RC3H1: variants seen among roughly 807,000 people sequenced by gnomAD.
The protein encoded by RC3H1 is ring finger and CCCH-type domains 1.
Under a neutral mutation model 138.2 loss-of-function variants are expected in RC3H1, and 50 were observed. That is an observed-to-expected ratio of 0.36 (90% CI 0.29 to 0.46). RC3H1 has a LOEUF of 0.46. Ranked by LOEUF, RC3H1 falls within the 20% of genes least tolerant of loss-of-function variation. The pLI is 1.00. For synonymous variants in RC3H1, 462 were observed against 489.1 expected (o/e 0.94, Z 0.73); for missense variants, 1,031 against 1,388.1 (o/e 0.74, Z 4.09).
At chr1:173,978,333 G>A in intron 7 of RC3H1, among the ~76,000 whole-genome samples, 155 bp downstream of exon 7, 2 of 151,008 alleles carry the variant, frequency 1.3e-5, no homozygotes, top group African/African-American at 4.9e-5. Flanking sequence ...AGATAAAGAG[G>A]GAAAAGATTT....
rs1335318648 is a variant in RC3H1, at chr1:173,946,022, C to T, written c.2961+454G>A. Among the ~76,000 whole-genome samples the T allele has an allele frequency of 2.6e-5, 4 of 151,982 alleles. 1 individual carries two copies. Among genetic ancestry groups the T allele is most frequent in the South Asian group, 4.2e-4 (2 of 4,806 alleles). ...ATCTCTACTAAAAATACAAAAAATT[C>T]GCTGAGTATGGTGGTGTACATCTAT... is the stretch of plus-strand genomic sequence containing the variant. On this transcript the variant is annotated intron_variant, in intron 17 of 19. Transcript: ENST00000367696.
intron 14 of RC3H1, among the ~76,000 whole-genome samples, chr1:173,951,256 T>C (rs61828900): frequency 0.29 from 43,875 of 151,780 alleles, 11,350 homozygotes; most frequent in African/African-American, 0.7. Context: ...ACCTGGGAAG[T>C]GGAGGTTGTG....
chr1:173,971,685 T>C (rs1224453966), intron 8 of RC3H1, among the ~76,000 whole-genome samples: 2 of 152,202 alleles, frequency 1.3e-5, no homozygotes, highest in African/African-American at 2.4e-5. Context: ...AGTTAAAAAC[T>C]GTAGGTTCTC....
chr1:173,949,975 T>A (rs138466698), intron 14 of RC3H1, among the ~76,000 whole-genome samples: 1 of 152,186 alleles, frequency 6.6e-6, no homozygotes, highest in East Asian at 1.9e-4. Flanking sequence ...GAGACGAGCC[T>A]GACCAATATG....
chr1:173,956,130 CAAAAAAAA>C (rs552947734), intron 13 of RC3H1, among the ~76,000 whole-genome samples: 3 of 86,386 alleles, frequency 3.5e-5, no homozygotes, highest in East Asian at 6.8e-4. Context: ...GAGTCTGTCT[CAAAAAAAA>C]AAAAAAAGAA....
intron 1 of RC3H1, among the ~76,000 whole-genome samples, chr1:174,015,692 T>A (rs947937986): frequency 1.4e-5 from 2 of 147,716 alleles, no homozygotes; most frequent in Admixed American, 6.8e-5. Context: ...ATATATATGT[T>A]TTAATACAGA....
intron 1 of RC3H1, among the ~76,000 whole-genome samples, chr1:174,003,763 G>A (rs1038147423): frequency 2.0e-5 from 3 of 151,128 alleles, no homozygotes; most frequent in South Asian, 2.1e-4. Flanking sequence ...CGGGTTTCAC[G>A]CCATTCTCCT....
intron 7 of RC3H1, among the ~76,000 whole-genome samples, chr1:173,974,554 G>C (rs907153790): frequency 3.9e-5 from 6 of 152,016 alleles, no homozygotes; most frequent in Non-Finnish European, 5.9e-5. Context: ...AATATACCAA[G>C]GGAAAAACAT....
intron 1 of RC3H1, among the ~76,000 whole-genome samples, chr1:174,018,102 A>C (rs1284525480): frequency 1.3e-5 from 2 of 152,114 alleles, no homozygotes; most frequent in Non-Finnish European, 2.9e-5. Flanking sequence ...ACTTAAACCA[A>C]GGAGTTTGAG....
chr1:173,973,038 T>G (rs191855858), intron 7 of RC3H1, among the ~76,000 whole-genome samples: 1 of 152,326 alleles, frequency 6.6e-6, no homozygotes, highest in East Asian at 1.9e-4. Context: ...GCCAGATACA[T>G]TCACTGTTTC....
At chr1:173,968,195 T>C (rs1660203558) in intron 9 of RC3H1, among the ~76,000 whole-genome samples, 1 of 152,200 alleles carries the variant, frequency 6.6e-6, no homozygotes, top group Admixed American at 6.5e-5. Context: ...TACAGGTAAA[T>C]AGTTATTAGT....
Position 173,951,985 on chromosome 1 carries a change from C to A in RC3H1, c.2523+1G>T. 1.2e-6 allele frequency: 2 copies of A among 1,600,992 alleles called. No homozygotes were observed. Among genetic ancestry groups the A allele is most frequent in the Non-Finnish European group, 8.5e-7 (1 of 1,175,028 alleles). ...AATTATTGCTTAGCTATTACACATA[C>A]CATCATTTCCACACTCCCTGCTGCC... On this transcript the variant is annotated splice_donor_variant, in intron 14 of 19. Coordinates refer to ENST00000367696, the MANE Select transcript of RC3H1 (RefSeq NM_172071.4). LOFTEE classifies it high-confidence loss of function.
intron 1 of RC3H1, among the ~76,000 whole-genome samples, chr1:174,000,480 G>A (rs1033688921): frequency 6.6e-6 from 1 of 152,118 alleles, no homozygotes; most frequent in Non-Finnish European, 1.5e-5. Flanking sequence ...ATTAAGTAAC[G>A]GCCCCAAATC....
intron 1 of RC3H1, among the ~76,000 whole-genome samples, chr1:174,000,466 C>T (rs1020685160): frequency 2.6e-4 from 40 of 152,126 alleles, no homozygotes; most frequent in African/African-American, 8.7e-4. Flanking sequence ...TGAGGTTTGG[C>T]GGCATTAAGT....
At chr1:173,974,454 T>C (rs932126574) in intron 7 of RC3H1, among the ~76,000 whole-genome samples, 5 of 152,142 alleles carry the variant, frequency 3.3e-5, no homozygotes, top group African/African-American at 1.2e-4. Context: ...TACAGCTATA[T>C]GTATGTTTCC....
Position 173,961,963 on chromosome 1 carries a change from T to C in RC3H1, c.1964A>G (p.Tyr655Cys). 2 of 1,614,154 alleles carry C rather than the reference T, an allele frequency of 1.2e-6. No individual in the cohort carries two copies. The highest frequency in any genetic ancestry group is 2.2e-5 in the East Asian group (1 of 44,878). Reference protein sequence around the residue: ...YLQERVVNSQYGTQPQQYPPI... With the variant: ...YLQERVVNSQCGTQPQQYPPI... ...TGGGTACTGCTGTGGCTGTGTGCCATACTGAGAGTTTACAACACGTTCTTG... is the reference window on the plus strand; with the variant it reads ...TGGGTACTGCTGTGGCTGTGTGCCACACTGAGAGTTTACAACACGTTCTTG... The change falls in exon 12 of 20, where the codon TAT becomes TGT. Residue 655 changes from tyrosine (Y) to cysteine (C), a missense_variant. This residue lies in a region of RC3H1 where 716 missense variants were observed against 837.9 expected (regional missense o/e 0.85). Transcript: ENST00000367696.
intron 8 of RC3H1, among the ~76,000 whole-genome samples, chr1:173,971,014 G>C (rs1660335255): frequency 6.6e-6 from 1 of 150,422 alleles, no homozygotes. Context: ...CGGGCTGGAG[G>C]GCAGCGGCGC....
At chr1:173,999,322 G>A (rs1197410214) in intron 1 of RC3H1, among the ~76,000 whole-genome samples, 1 of 151,748 alleles carries the variant, frequency 6.6e-6, no homozygotes, top group Non-Finnish European at 1.5e-5. Flanking sequence ...AGAGGTTGCG[G>A]TGAGCCGAGA....
At chr1:174,019,292 T>C (rs931259676) in intron 1 of RC3H1, among the ~76,000 whole-genome samples, 1 of 152,152 alleles carries the variant, frequency 6.6e-6, no homozygotes, top group Non-Finnish European at 1.5e-5. Flanking sequence ...ATAATGATAA[T>C]AGGGTAAGTT....
Sources: allele counts gnomAD v4.1 joint callset (sites outside exome capture counted in the v4.1 genomes callset), GRCh38; gene constraint gnomAD v4.1.1; regional missense constraint gnomAD v4.1.1; transcripts MANE v1.5; gene names NCBI Gene and HGNC (gene_info 2026-07-23, HGNC 2026-07-21).